BMP5: variants seen among roughly 807,000 people sequenced by gnomAD.
BMP5 encodes the protein bone morphogenetic protein 5.
In BMP5, 23 loss-of-function variants were observed where a neutral mutation model predicts 46.6. That is an observed-to-expected ratio of 0.49 (90% CI 0.35 to 0.70). BMP5 has a LOEUF of 0.70. Among genes scored for constraint, BMP5 ranks in the 30% least tolerant of loss-of-function variants. The pLI, the probability that BMP5 is intolerant of heterozygous loss-of-function variation, is 0.00. For synonymous variants in BMP5, 204 were observed against 191.9 expected, an observed-to-expected ratio of 1.06 and a Z score of -0.52; for missense variants, 545 against 565.6, an observed-to-expected ratio of 0.96 and a Z score of 0.37.
chr6:55,803,186 C>T (rs943347603), intron 2 of BMP5, among the ~76,000 whole-genome samples: 2 of 151,534 alleles, frequency 1.3e-5, no homozygotes, highest in African/African-American at 2.4e-5. Flanking sequence ...ATCCCAGCTA[C>T]TCGGGAGGCT....
At chr6:55,833,014 A>T (rs1482219184) in intron 1 of BMP5, among the ~76,000 whole-genome samples, 1 of 152,032 alleles carries the variant, frequency 6.6e-6, no homozygotes, top group East Asian at 1.9e-4. Context: ...TACTCCAGAG[A>T]CTCAAGCAGG....
At chr6:55,779,108 C>A (rs1170644819) in intron 3 of BMP5, among the ~76,000 whole-genome samples, 1 of 152,042 alleles carries the variant, frequency 6.6e-6, no homozygotes, top group Non-Finnish European at 1.5e-5. Flanking sequence ...TGACATAAAA[C>A]AGCTCTTCAG....
chr6:55,772,174 G>C (rs930194527), intron 4 of BMP5, among the ~76,000 whole-genome samples: 1 of 151,822 alleles, frequency 6.6e-6, no homozygotes, highest in Admixed American at 6.6e-5. Context: ...GTCTATATTA[G>C]AATAATTTTG....
At chr6:55,807,430 A>G (rs1041726062) in intron 2 of BMP5, among the ~76,000 whole-genome samples, 1 of 152,204 alleles carries the variant, frequency 6.6e-6, no homozygotes, top group Admixed American at 6.5e-5. Context: ...ATCGTGGTGG[A>G]TAAGCTTTTG....
chr6:55,779,769 G>T (rs147396258), intron 3 of BMP5, among the ~76,000 whole-genome samples: 8 of 151,854 alleles, frequency 5.3e-5, no homozygotes, highest in Non-Finnish European at 1.2e-4. Flanking sequence ...TTGTAAAAGC[G>T]CAGACCTGTT....
chr6:55,842,776 A>G (rs111394622), intron 1 of BMP5, among the ~76,000 whole-genome samples: 90 of 151,600 alleles, frequency 5.9e-4, no homozygotes, highest in African/African-American at 2.1e-3. Context: ...TTTTTTTTAC[A>G]ATTTCATTGG....
intron 1 of BMP5, among the ~76,000 whole-genome samples, chr6:55,832,563 T>C (rs1281315020): frequency 1.3e-5 from 2 of 152,214 alleles, no homozygotes; most frequent in African/African-American, 4.8e-5. Context: ...GTTTTACATG[T>C]ACTTATATGT....
chr6:55,761,371 C>T (rs1057300589), intron 4 of BMP5, among the ~76,000 whole-genome samples: 1 of 152,040 alleles, frequency 6.6e-6, no homozygotes, highest in African/African-American at 2.4e-5. Context: ...AATTACATCA[C>T]TTCCCTGCCA....
Position 55,797,262 on chromosome 6 carries a change from T to C in BMP5, c.684-2835A>G, listed in dbSNP as rs139664212. Among the ~76,000 whole-genome samples the C allele has an allele frequency of 6.5e-3, 987 of 152,360 alleles. 2 individuals are homozygous for C. The highest frequency in any genetic ancestry group is 0.01 in the Non-Finnish European group (690 of 68,044). On this transcript the variant is annotated intron_variant, in intron 2 of 6. Coordinates refer to ENST00000370830, the MANE Select transcript of BMP5 (RefSeq NM_021073.4). ...TTTCTCCACTAAAATATGGCACTTA[T>C]ACTACCGGGAATAGTAAAATATCCT...
intron 3 of BMP5, among the ~76,000 whole-genome samples, chr6:55,788,957 T>C (rs1775513035): frequency 6.6e-6 from 1 of 151,862 alleles, no homozygotes; most frequent in Non-Finnish European, 1.5e-5. Flanking sequence ...GAAATCTTTT[T>C]TTTTTCTTGA....
At chr6:55,867,078 T>C (rs1777659272) in intron 1 of BMP5, among the ~76,000 whole-genome samples, 1 of 152,176 alleles carries the variant, frequency 6.6e-6, no homozygotes, top group Non-Finnish European at 1.5e-5. Context: ...TTCCCTATTC[T>C]GCTATTCTCA....
chr6:55,853,205 AATAAAATAAAATAAG>A (rs1777296280), intron 1 of BMP5, among the ~76,000 whole-genome samples: 2 of 130,570 alleles, frequency 1.5e-5, no homozygotes, highest in African/African-American at 3.0e-5. Context: ...AATAAAATAA[AATAAAATAAAATAAG>A]ATAAAATACA....
At chr6:55,792,567 C>T (rs1439529121) in intron 3 of BMP5, among the ~76,000 whole-genome samples, 1 of 149,714 alleles carries the variant, frequency 6.7e-6, no homozygotes, top group Non-Finnish European at 1.5e-5. Flanking sequence ...ATTTGAGACA[C>T]ATAAAACACG....
chr6:55,831,063 C>A (rs1776652060), intron 1 of BMP5, among the ~76,000 whole-genome samples: 1 of 152,026 alleles, frequency 6.6e-6, no homozygotes, highest in African/African-American at 2.4e-5. Context: ...AGGAACTAGA[C>A]AAGAATATTC....
chr6:55,810,186 T>G (rs1437536785), intron 2 of BMP5, among the ~76,000 whole-genome samples: 3 of 152,148 alleles, frequency 2.0e-5, no homozygotes, highest in Non-Finnish European at 4.4e-5. Context: ...GTAAATCGCT[T>G]TTTTTCCCCA....
chr6:55,790,168 A>C (rs1288419967), intron 3 of BMP5, among the ~76,000 whole-genome samples: 1 of 152,166 alleles, frequency 6.6e-6, no homozygotes, highest in Non-Finnish European at 1.5e-5. Flanking sequence ...TTTGCTCTAC[A>C]AAATTCTGCT....
intron 1 of BMP5, among the ~76,000 whole-genome samples, chr6:55,820,097 T>C (rs934266043): frequency 6.6e-5 from 10 of 152,092 alleles, no homozygotes; most frequent in South Asian, 2.1e-4. Context: ...GGAAAGGTTA[T>C]CCAAAAATGT....
chr6:55,795,015 T>G (rs768330644), intron 2 of BMP5, among the ~76,000 whole-genome samples: 14 of 152,152 alleles, frequency 9.2e-5, no homozygotes, highest in South Asian at 2.1e-4. Context: ...GAACTTTTGT[T>G]AATATCTTCT....
At chr6:55,850,397 G>A (rs1035210315) in intron 1 of BMP5, among the ~76,000 whole-genome samples, 4 of 139,964 alleles carry the variant, frequency 2.9e-5, no homozygotes, top group Non-Finnish European at 4.8e-5. Flanking sequence ...TAGATAGATC[G>A]ATAGATATAG....
Sources: allele counts gnomAD v4.1 joint callset (sites outside exome capture counted in the v4.1 genomes callset), GRCh38; gene constraint gnomAD v4.1.1; transcripts MANE v1.5; gene names NCBI Gene and HGNC (gene_info 2026-07-23, HGNC 2026-07-21).